Variants in ZMIZ2 observed in about 807,000 individuals in gnomAD.
ZMIZ2 encodes the protein zinc finger MIZ domain-containing protein 2.
A neutral mutation model predicts 93.9 loss-of-function variants in ZMIZ2; 26 were observed. That is an observed-to-expected ratio of 0.28 (90% CI 0.20 to 0.38). The LOEUF (loss-of-function observed/expected upper bound fraction) is 0.38. Ranked by LOEUF, ZMIZ2 falls within the 10% of genes least tolerant of loss-of-function variation. The pLI is 1.00. For synonymous variants in ZMIZ2, 485 were observed against 516.4 expected (o/e 0.94, Z 0.82); for missense variants, 1,023 against 1,235.0 (o/e 0.83, Z 2.57).
intron 3 of ZMIZ2, 200 bp downstream of exon 3, chr7:44,756,739 A>G: frequency 3.8e-6 from 3 of 782,864 alleles, no homozygotes; most frequent in South Asian, 1.8e-5. Context: ...CTGCTGTGGG[A>G]TTTTCTTCTC....
chr7:44,762,893 G>C lies in ZMIZ2; in HGVS notation c.1609G>C (p.Val537Leu). The change falls in exon 12 of 19, where the codon GTG becomes CTG. Residue 537 changes from valine to leucine, a missense_variant. By Grantham distance (32) the Val-to-Leu change is conservative. This residue lies in a region of ZMIZ2 where 656 missense variants were observed against 777.1 expected (regional missense o/e 0.84). Coordinates refer to ENST00000309315, the MANE Select transcript of ZMIZ2 (RefSeq NM_031449.4). ...VTACCCSHLF[V>L]LQLVHRPSVR... ...CGTTGTATTGCAGTCCCACCTCTTC[G>C]TGCTGCAGCTAGTGCACCGCCCATC... 6.2e-7 allele frequency: 1 copy of C among 1,609,254 alleles called. No individual in the cohort carries two copies. Among genetic ancestry groups the C allele is most frequent in the Non-Finnish European group, 8.5e-7 (1 of 1,177,024 alleles).
In ZMIZ2 at chr7:44,765,533, C is replaced by A; in HGVS notation, c.2196C>A (p.Pro732=). The change falls in exon 16 of 19, where the codon CCC becomes CCA. Residue 732 remains proline, a synonymous_variant. Transcript: ENST00000309315. The surrounding 1 kb of genome is among the most constrained non-coding windows in gnomAD (Gnocchi z 4.1). ...GCCCCGGCGCTGCCCCCTTTGCCCC[C>A]CTGCAGCCCCCCTCAGTCCCTGCCC... is the stretch of plus-strand genomic sequence containing the variant. ...ALGPGAAPFA[P]LQPPSVPAPS... is the part of the protein sequence containing the mutation. 3 of 1,584,400 alleles carry A rather than the reference C, an allele frequency of 1.9e-6. No homozygotes were observed. The highest frequency in any genetic ancestry group is 2.3e-5 in the East Asian group (1 of 44,060).
At chr7:44,751,553 A>G (rs1790146817) in intron 1 of ZMIZ2, among the ~76,000 whole-genome samples, 1 of 152,258 alleles carries the variant, frequency 6.6e-6, no homozygotes, top group Non-Finnish European at 1.5e-5. Flanking sequence ...TTGGGACAGC[A>G]AAGTGGCCAG....
chr7:44,752,966 T>G (rs566845780), intron 1 of ZMIZ2, among the ~76,000 whole-genome samples: 2 of 152,368 alleles, frequency 1.3e-5, no homozygotes, highest in African/African-American at 4.8e-5. Flanking sequence ...ACATTTTACA[T>G]TCCCACTAGT....
In ZMIZ2 at chr7:44,765,284, C is replaced by T. The variant is rs562565698; in HGVS notation, c.1998-51C>T. 16 of 1,599,698 alleles carry T rather than the reference C, an allele frequency of 1.0e-5. No individual in the cohort carries two copies. Among genetic ancestry groups the T allele is most frequent in the African/African-American group, 5.3e-5 (4 of 74,836 alleles). ...CAGGGCTGGGAGGGGCAGTGGGTGC[C>T]GGGCCAGCAGCAGGCCAGGAGGTAA... is the stretch of plus-strand genomic sequence containing the variant. On this transcript the variant is annotated intron_variant, in intron 15 of 18. Transcript: ENST00000309315. This position sits in a 1 kb window ranked among gnomAD's most constrained non-coding sequence, Gnocchi z 4.1.
At chr7:44,759,638 G>A in intron 7 of ZMIZ2, 178 bp downstream of exon 7, 1 of 280,990 alleles carries the variant, frequency 3.6e-6, no homozygotes, top group East Asian at 7.2e-5. Flanking sequence ...TGGGGGGTGG[G>A]GGCATTCTGA....
In ZMIZ2 at chr7:44,767,545, G is replaced by A. The variant is rs764051251; in HGVS notation, c.2685G>A (p.Glu895=). Residue 895 remains glutamate, a synonymous_variant, in exon 19 of 19, where the codon GAG becomes GAA. Coordinates refer to ENST00000309315, the MANE Select transcript of ZMIZ2 (RefSeq NM_031449.4). ...TCCCGGAACTGACCAACCCTGATGA[G>A]CTACTGTCCTACTTGGGCCCACCCG... ...DLLPELTNPD[E]LLSYLGPPDL... is the part of the protein sequence containing the mutation. 2 of 1,614,146 alleles carry A rather than the reference G, an allele frequency of 1.2e-6. No homozygotes were observed. The highest frequency in any genetic ancestry group is 1.7e-6 in the Non-Finnish European group (2 of 1,180,024).
rs779657840 is a variant in ZMIZ2, at chr7:44,765,606, C to T, written c.2242+27C>T. ...TAAGTACAGCAGGCTAGCCTTGAACCTCAGATGACCCTGGGCATATGGCTC... is the reference window on the plus strand; with the variant it reads ...TAAGTACAGCAGGCTAGCCTTGAACTTCAGATGACCCTGGGCATATGGCTC... On this transcript the variant is annotated intron_variant, in intron 16 of 18. Coordinates refer to ENST00000309315, the MANE Select transcript of ZMIZ2 (RefSeq NM_031449.4). The surrounding 1 kb of genome is among the most constrained non-coding windows in gnomAD (Gnocchi z 4.1). 1.4e-5 allele frequency: 22 copies of T among 1,583,330 alleles called. No homozygotes were observed. The South Asian group carries it at 2.2e-4, about 16-fold the overall frequency.
At position 44,759,327 on chromosome 7, in the gene ZMIZ2, G is replaced by T; in HGVS notation, c.860G>T (p.Ser287Ile). The change falls in exon 7 of 19, where the codon AGC becomes ATC. Residue 287 changes from serine (S) to isoleucine (I), a missense_variant. Physicochemically the swap from Ser to Ile is moderately radical, Grantham distance 142. Transcript: ENST00000309315. ...QYLQGGQYAP[S>I]TAQFAPSPGQ... ...CTGCAAGGAGGCCAGTATGCACCCA[G>T]CACCGCCCAGTTTGCGCCCAGCCCT... 6.2e-7 allele frequency: 1 copy of T among 1,601,914 alleles called. No homozygotes were observed. The highest frequency in any genetic ancestry group is 8.5e-7 in the Non-Finnish European group (1 of 1,174,590).
chr7:44,765,332 C>G lies in ZMIZ2; in HGVS notation c.1998-3C>G, dbSNP rs767267462. On this transcript the variant is annotated splice_region_variant and splice_polypyrimidine_tract_variant and intron_variant, in intron 15 of 18. Coordinates refer to ENST00000309315, the MANE Select transcript of ZMIZ2 (RefSeq NM_031449.4). The surrounding 1 kb of genome is among the most constrained non-coding windows in gnomAD (Gnocchi z 4.1). The stretch of plus-strand genomic sequence containing the variant: ...TAACCATTCCCCACCTGTCCCTGCC[C>G]AGCTCTGACTATGAGGAGATCACCA... 1 of 1,612,920 alleles carries G rather than the reference C, an allele frequency of 6.2e-7. No homozygotes were observed. The highest frequency in any genetic ancestry group is 1.1e-5 in the South Asian group (1 of 91,044).
rs997290156 is a variant in ZMIZ2, at chr7:44,759,475, T to C, written c.993+15T>C. The C allele has an allele frequency of 6.8e-7, 1 of 1,469,108 alleles. No individual in the cohort carries two copies. Among genetic ancestry groups the C allele is most frequent in the Non-Finnish European group, 9.0e-7 (1 of 1,106,934 alleles). 91.0% of individuals were successfully genotyped at this position (1,469,108 alleles called of 1,614,324 possible). ...TGCATTATAAGGTAGGGCAGGCTCCTCCAGGCCCTGTGCCGGGCTCCGTGC... is the reference window on the plus strand; with the variant it reads ...TGCATTATAAGGTAGGGCAGGCTCCCCCAGGCCCTGTGCCGGGCTCCGTGC... On this transcript the variant is annotated intron_variant, in intron 7 of 18. Coordinates refer to ENST00000309315, the MANE Select transcript of ZMIZ2 (RefSeq NM_031449.4).
At chr7:44,752,252 T>G (rs1256847932) in intron 1 of ZMIZ2, among the ~76,000 whole-genome samples, 1 of 151,916 alleles carries the variant, frequency 6.6e-6, no homozygotes, top group East Asian at 2.0e-4. Flanking sequence ...CTCAGCCTCC[T>G]GAGTAGCTGG....
chr7:44,765,305 G>A lies in ZMIZ2; in HGVS notation c.1998-30G>A, dbSNP rs1791590733. On this transcript the variant is annotated intron_variant, in intron 15 of 18. Coordinates refer to ENST00000309315, the MANE Select transcript of ZMIZ2 (RefSeq NM_031449.4). The surrounding 1 kb of genome is among the most constrained non-coding windows in gnomAD (Gnocchi z 4.1). ...GTGCCGGGCCAGCAGCAGGCCAGGA[G>A]GTAACCATTCCCCACCTGTCCCTGC... 1 of 1,608,192 alleles carries A rather than the reference G, an allele frequency of 6.2e-7. No homozygotes were observed. The highest frequency in any genetic ancestry group is 2.2e-5 in the East Asian group (1 of 44,752).
rs760807736 is a variant in ZMIZ2, at chr7:44,758,131, T to C, written c.813+23T>C. The C allele has an allele frequency of 2.4e-5, 36 of 1,508,518 alleles. No individual in the cohort carries two copies. The African/African-American group carries it at 3.5e-4, about 15-fold the overall frequency. 93.4% of individuals were successfully genotyped at this position (1,508,518 alleles called of 1,614,324 possible). A position where few individuals can be genotyped will look rare whatever the true frequency, so the allele number is the denominator to read the frequency against. ...GAGGTGAGTGTCCAGGTCACCTAGT[T>C]TGGGGCCTTGGGTACCAACTCCCTC... On this transcript the variant is annotated intron_variant, in intron 6 of 18. Coordinates refer to ENST00000309315, the MANE Select transcript of ZMIZ2 (RefSeq NM_031449.4).
In ZMIZ2 at chr7:44,748,880, C is replaced by T; in HGVS notation, c.-174C>T. The T allele has an allele frequency of 6.8e-6, 1 of 147,936 alleles. No individual in the cohort carries two copies. Among genetic ancestry groups the T allele is most frequent in the Non-Finnish European group, 1.5e-5 (1 of 66,234 alleles). 9.2% of individuals were successfully genotyped at this position (147,936 alleles called of 1,614,324 possible). A position where few individuals can be genotyped will look rare whatever the true frequency, so the allele number is the denominator to read the frequency against. ...CTCGGAGCGGGCGGCGGCGCGATGG[C>T]GCGGGTGGCGGCGGCCCCGGGGCGG... is the stretch of plus-strand genomic sequence containing the variant. On this transcript the variant is annotated 5_prime_UTR_variant, in exon 1 of 19. Transcript: ENST00000309315.
At chr7:44,751,496 C>T (rs1269057115) in intron 1 of ZMIZ2, among the ~76,000 whole-genome samples, 6 of 148,618 alleles carry the variant, frequency 4.0e-5, no homozygotes, top group South Asian at 4.3e-4. Flanking sequence ...TGACCACGGG[C>T]GGGGGAGGGG....
intron 3 of ZMIZ2, 195 bp downstream of exon 3, chr7:44,756,734 G>A (rs1276796661): frequency 2.6e-6 from 2 of 780,842 alleles, no homozygotes; most frequent in Non-Finnish European, 2.0e-6. Flanking sequence ...CACACCTGCT[G>A]TGGGATTTTC....
intron 1 of ZMIZ2, among the ~76,000 whole-genome samples, chr7:44,753,161 G>C (rs150776668): frequency 1.1e-3 from 172 of 151,798 alleles, no homozygotes; most frequent in African/African-American, 4.1e-3. Context: ...CTTTGGCAAA[G>C]TGTCTCTTTA....
Position 44,760,414 on chromosome 7 carries a change from C to T in ZMIZ2, c.1072-11C>T. On this transcript the variant is annotated splice_polypyrimidine_tract_variant and intron_variant, in intron 8 of 18. Coordinates refer to ENST00000309315, the MANE Select transcript of ZMIZ2 (RefSeq NM_031449.4). ...GCAATCTGCCTTGACTGTTTGTGCT[C>T]AACCCTACAGCCTACCCGTTCCATC... 6 of 1,613,104 alleles carry T rather than the reference C, an allele frequency of 3.7e-6. No homozygotes were observed. The highest frequency in any genetic ancestry group is 5.1e-6 in the Non-Finnish European group (6 of 1,179,360).
Sources: gnomAD v4.1 joint callset for allele counts (sites outside exome capture counted in the v4.1 genomes callset) on GRCh38, gnomAD v4.1.1 for gene constraint, gnomAD v4.1.1 regional missense constraint, Gnocchi (gnomAD v3.1) non-coding constraint, MANE v1.5 for transcripts, NCBI Gene and HGNC (gene_info 2026-07-23, HGNC 2026-07-21) for gene names.